Variants in ALS2 observed in about 807,000 individuals in gnomAD.
The protein encoded by ALS2 is alsin Rho guanine nucleotide exchange factor ALS2, also known as alsin.
Under a neutral mutation model 203.4 loss-of-function variants are expected in ALS2, and 117 were observed. That is an observed-to-expected ratio of 0.58 (90% CI 0.50 to 0.67). The LOEUF is 0.67. Ranked by LOEUF, ALS2 falls within the 30% of genes least tolerant of loss-of-function variation. ALS2 has a pLI of 0.00. For synonymous variants in ALS2, 718 were observed against 725.9 expected (o/e 0.99, Z 0.17); for missense variants, 1,715 against 1,989.4 (o/e 0.86, Z 2.62).
chr2:201,728,418 A>G, intron 15 of ALS2, 94 bp downstream of exon 15: 1 of 1,537,256 alleles, frequency 6.5e-7, no homozygotes, highest in South Asian at 1.1e-5. Context: ...TTTCAGTAAA[A>G]TCACACTAGT....
chr2:201,715,851 A>T lies in ALS2; in HGVS notation c.3837-12T>A. ...TTCCTAGCTTCCTGCTAATAAAGTC[A>T]TATCAACCTTTTATTAATCATTTCT... On this transcript the variant is annotated splice_polypyrimidine_tract_variant and intron_variant, in intron 24 of 33. Transcript: ENST00000264276. 1 of 1,614,086 alleles carries T rather than the reference A, an allele frequency of 6.2e-7. No homozygotes were observed. The highest frequency in any genetic ancestry group is 8.5e-7 in the Non-Finnish European group (1 of 1,179,892).
chr2:201,733,512 A>C, intron 12 of ALS2, 74 bp from the exon 13 acceptor site: 1 of 1,314,752 alleles, frequency 7.6e-7, no homozygotes, highest in Non-Finnish European at 1.1e-6. Flanking sequence ...AAAAAATTTC[A>C]CTAGAAAGTA....
intron 3 of ALS2, chr2:201,765,750 A>G (rs1694043541): frequency 1.2e-5 from 2 of 167,132 alleles, no homozygotes; most frequent in African/African-American, 4.8e-5. Flanking sequence ...GATTAAAGGT[A>G]CCTCTATAAA....
At chr2:201,714,500 T>A (rs1690242950) in intron 25 of ALS2, among the ~76,000 whole-genome samples, 1 of 152,252 alleles carries the variant, frequency 6.6e-6, no homozygotes, top group Admixed American at 6.5e-5. Context: ...ACTCTACCTG[T>A]GTCTTTTTCC....
At chr2:201,751,224 G>A (rs1487058455) in intron 7 of ALS2, among the ~76,000 whole-genome samples, 1 of 152,084 alleles carries the variant, frequency 6.6e-6, no homozygotes, top group Non-Finnish European at 1.5e-5. Context: ...ATTTGCTTAG[G>A]ATAAATTCCT....
intron 1 of ALS2, among the ~76,000 whole-genome samples, chr2:201,775,845 T>C (rs1169281097): frequency 1.3e-5 from 2 of 152,226 alleles, no homozygotes; most frequent in African/African-American, 2.4e-5. Flanking sequence ...GTTATAATGT[T>C]GTTACTAATA....
At chr2:201,749,627 G>A (rs1432882509) in intron 8 of ALS2, 85 bp downstream of exon 8, 20 of 1,290,572 alleles carry the variant, frequency 1.5e-5, no homozygotes, top group South Asian at 7.4e-5. Context: ...AAATTCCCCC[G>A]ATATTTTAAA....
chr2:201,738,564 G>A, intron 12 of ALS2, 106 bp downstream of exon 12: 1 of 1,085,708 alleles, frequency 9.2e-7, no homozygotes, highest in South Asian at 1.3e-5. Flanking sequence ...GACTTGTTTG[G>A]TAAAATGATG....
At chr2:201,770,744 G>A (rs1278508046) in intron 1 of ALS2, among the ~76,000 whole-genome samples, 1 of 152,180 alleles carries the variant, frequency 6.6e-6, no homozygotes, top group Non-Finnish European at 1.5e-5. Context: ...CAGAGATGAC[G>A]CTACACTGCT....
chr2:201,707,133 T>A, intron 28 of ALS2, 111 bp from the exon 29 acceptor site: 1 of 963,784 alleles, frequency 1.0e-6, no homozygotes, highest in Non-Finnish European at 1.6e-6. Context: ...TGGGAAGTTT[T>A]AAAGAAGTTA....
At chr2:201,738,861 G>A (rs1036712780) in intron 11 of ALS2, 126 bp from the exon 12 acceptor site, 83 of 836,034 alleles carry the variant, frequency 9.9e-5, no homozygotes, top group Non-Finnish European at 1.5e-4. Context: ...GTTTTGTGAT[G>A]TCAACATTTG....
intron 15 of ALS2, 112 bp downstream of exon 15, chr2:201,728,400 G>C: frequency 6.9e-7 from 1 of 1,456,428 alleles, no homozygotes; most frequent in Admixed American, 1.7e-5. Context: ...GCCTCTTTTA[G>C]TCAACAGTTT....
rs59265308 is a variant in ALS2 at position 201,717,639 on chromosome 2, GAAAA to G, written c.3836+434_3836+437del. Among the ~76,000 whole-genome samples, 302 of 116,024 alleles carry G rather than the reference GAAAA, an allele frequency of 2.6e-3. 1 individual carries two copies. The highest frequency in any genetic ancestry group is 4.4e-3 in the Non-Finnish European group (237 of 53,606). 76.1% of individuals were successfully genotyped at this position (116,024 alleles called of 152,430 possible). A position where few individuals can be genotyped will look rare whatever the true frequency, so the allele number is the denominator to read the frequency against. ...TTCAAGGAGGTTACATCTTGTTTAA[GAAAA>G]AAAAAAAAAAAAGACTTTGGCCAGG... On this transcript the variant is annotated intron_variant, in intron 24 of 33. Transcript: ENST00000264276.
At chr2:201,731,555 G>C (rs1691555141) in intron 13 of ALS2, among the ~76,000 whole-genome samples, 1 of 152,090 alleles carries the variant, frequency 6.6e-6, no homozygotes. Context: ...TTAGAACAGT[G>C]CCTGGCATAT....
chr2:201,756,963 A>C (rs959649364), intron 5 of ALS2, among the ~76,000 whole-genome samples: 7 of 152,194 alleles, frequency 4.6e-5, no homozygotes. Context: ...CAACTGCATA[A>C]TATTCTAAAA....
In ALS2 at chr2:201,705,427, C is replaced by G; in HGVS notation, c.4615G>C (p.Glu1539Gln). Residue 1539 changes from glutamate (E) to glutamine (Q), a missense_variant, in exon 30 of 34, where the codon GAG becomes CAG. Physicochemically the swap from Glu to Gln is conservative, Grantham distance 29. Transcript: ENST00000264276. ...FWPATLSILG[E>Q]SKKVLPTTKD... ...AAAATCTACTATACCTTTTTACTCTCTCCAAGGATTGACAAGGTTGCTGGC... is the reference window on the plus strand; with the variant it reads ...AAAATCTACTATACCTTTTTACTCTGTCCAAGGATTGACAAGGTTGCTGGC... The G allele has an allele frequency of 6.2e-7, 1 of 1,613,608 alleles. No homozygotes were observed. The highest frequency in any genetic ancestry group is 8.5e-7 in the Non-Finnish European group (1 of 1,179,602).
rs1693721468 is a variant in ALS2, at chr2:201,760,862, T to C, written c.1113+19A>G. On this transcript the variant is annotated intron_variant, in intron 4 of 33. Transcript: ENST00000264276. ...TTCAACTCTAGACACACTTTTATTT[T>C]ATAAAATTGAGCAGGTACCTGAGAT... 1.9e-6 allele frequency: 3 copies of C among 1,605,472 alleles called. No individual in the cohort carries two copies. The highest frequency in any genetic ancestry group is 2.6e-6 in the Non-Finnish European group (3 of 1,174,430).
chr2:201,748,682 A>G lies in ALS2; in HGVS notation c.1815+1030T>C, dbSNP rs186604188. Among the ~76,000 whole-genome samples, 271 of 152,338 alleles carry G rather than the reference A, an allele frequency of 1.8e-3. 2 individuals are homozygous for G. Among genetic ancestry groups the G allele is most frequent in the South Asian group, 4.8e-3 (23 of 4,834 alleles). On this transcript the variant is annotated intron_variant, in intron 8 of 33. Coordinates refer to ENST00000264276, the MANE Select transcript of ALS2 (RefSeq NM_020919.4). Reference sequence around the variant, plus strand: ...TGTGATAATGTATCAGAAACTGAATAGCTTACTACTACGATGTTTTATACT... The same window carrying G: ...TGTGATAATGTATCAGAAACTGAATGGCTTACTACTACGATGTTTTATACT...
rs1045574282 is a variant in ALS2 at position 201,727,693 on chromosome 2, G to A, written c.2912+12C>T. ...TTGGACGGGGTGGGGTGGGGAGGGG[G>A]GACGCACTTACACACCACCAGCTTC... is the stretch of plus-strand genomic sequence containing the variant. On this transcript the variant is annotated intron_variant, in intron 16 of 33. Coordinates refer to ENST00000264276, the MANE Select transcript of ALS2 (RefSeq NM_020919.4). 4.5e-6 allele frequency: 7 copies of A among 1,550,476 alleles called. No individual in the cohort carries two copies. Among genetic ancestry groups the A allele is most frequent in the Non-Finnish European group, 6.1e-6 (7 of 1,146,132 alleles).
Sources: gnomAD v4.1 joint callset for allele counts (sites outside exome capture counted in the v4.1 genomes callset) on GRCh38, gnomAD v4.1.1 for gene constraint, MANE v1.5 for transcripts, NCBI Gene and HGNC (gene_info 2026-07-23, HGNC 2026-07-21) for gene names.